NALF1: variants seen among roughly 807,000 people sequenced by gnomAD.
NALF1 encodes the protein family with sequence similarity 155 member A.
In NALF1, 3 loss-of-function variants were observed where a neutral mutation model predicts 48.4. The ratio of observed to expected loss-of-function variants is 0.06; its 90% CI spans 0.03 to 0.16. The LOEUF (loss-of-function observed/expected upper bound fraction) is 0.16. NALF1 is among the 10% of genes least tolerant of loss of function. The pLI is 1.00. For synonymous variants in NALF1, 262 were observed against 245.7 expected (o/e 1.07, Z -0.62); for missense variants, 526 against 571.5 (o/e 0.92, Z 0.81).
At chr13:107,461,383 C>G (rs1884916379) in intron 1 of NALF1, among the ~76,000 whole-genome samples, 1 of 152,134 alleles carries the variant, frequency 6.6e-6, no homozygotes, top group South Asian at 2.1e-4. Flanking sequence ...ATATTCACAT[C>G]TAATGTCATT....
At position 107,362,277 on chromosome 13, in the gene NALF1, G is replaced by T. The variant is rs1377754771; in HGVS notation, c.916-151522C>A. On this transcript the variant is annotated intron_variant, in intron 1 of 2. Transcript: ENST00000375915. The surrounding 1 kb of genome is among the most constrained non-coding windows in gnomAD (Gnocchi z 4.6). Reference sequence around the variant, plus strand: ...GGAATAGTTGTATTCATTTTCTAGGGCGTGCTGTAACAAACTATGATCAAC... The same window carrying T: ...GGAATAGTTGTATTCATTTTCTAGGTCGTGCTGTAACAAACTATGATCAAC... Among the ~76,000 whole-genome samples, 2 of 152,190 alleles carry T rather than the reference G, an allele frequency of 1.3e-5. No individual in the cohort carries two copies. Among genetic ancestry groups the T allele is most frequent in the Middle Eastern group, 3.4e-3 (1 of 294 alleles).
intron 1 of NALF1, among the ~76,000 whole-genome samples, chr13:107,655,359 C>T (rs1388354356): frequency 6.6e-6 from 1 of 152,080 alleles, no homozygotes; most frequent in Non-Finnish European, 1.5e-5. Context: ...TAATCACCAA[C>T]AGTGACCAAA....
intron 1 of NALF1, among the ~76,000 whole-genome samples, chr13:107,669,773 T>G (rs1021205157): frequency 6.6e-6 from 1 of 152,200 alleles, no homozygotes; most frequent in African/African-American, 2.4e-5. Context: ...AAAAGCTAAG[T>G]GCGAGGGCTT....
intron 1 of NALF1, among the ~76,000 whole-genome samples, chr13:107,555,817 T>A (rs1246350355): frequency 6.6e-6 from 1 of 152,058 alleles, no homozygotes; most frequent in Non-Finnish European, 1.5e-5. Context: ...ATATGCTTAT[T>A]GGAAAATTTT....
At chr13:107,393,342 A>G (rs1194783031) in intron 1 of NALF1, among the ~76,000 whole-genome samples, 1 of 152,150 alleles carries the variant, frequency 6.6e-6, no homozygotes, top group African/African-American at 2.4e-5. Context: ...ACTTCTCACT[A>G]TTCTAGGTCA....
intron 1 of NALF1, among the ~76,000 whole-genome samples, chr13:107,720,510 CAAAAAAAAA>C (rs56380251): frequency 8.4e-5 from 5 of 59,856 alleles, no homozygotes; most frequent in African/African-American, 1.6e-4. Flanking sequence ...GACTGCATCT[CAAAAAAAAA>C]AAAAAAAAAA....
intron 1 of NALF1, among the ~76,000 whole-genome samples, chr13:107,399,856 A>G (rs1388461129): frequency 6.6e-6 from 1 of 152,172 alleles, no homozygotes; most frequent in Non-Finnish European, 1.5e-5. Context: ...AACGAGGTAC[A>G]CATAATTATA....
At chr13:107,778,609 G>GT (rs1412317045) in intron 1 of NALF1, among the ~76,000 whole-genome samples, 2 of 149,310 alleles carry the variant, frequency 1.3e-5, no homozygotes. Context: ...TTTTTTGTTT[G>GT]TTTGTTTTTG....
chr13:107,334,204 A>G (rs887277093), intron 1 of NALF1, among the ~76,000 whole-genome samples: 2 of 152,198 alleles, frequency 1.3e-5, no homozygotes, highest in African/African-American at 4.8e-5. Context: ...TAATAGTCTA[A>G]AGATTTGCAT....
At chr13:107,679,006 T>G (rs955458441) in intron 1 of NALF1, among the ~76,000 whole-genome samples, 6 of 152,182 alleles carry the variant, frequency 3.9e-5, no homozygotes, top group African/African-American at 1.4e-4. Context: ...TGAGACGTAT[T>G]TGTTCCTCTT....
At chr13:107,273,941 T>C (rs1425130529) in intron 1 of NALF1, among the ~76,000 whole-genome samples, 1 of 152,166 alleles carries the variant, frequency 6.6e-6, no homozygotes, top group Non-Finnish European at 1.5e-5. Flanking sequence ...GGAATCGTCA[T>C]GCTCATGAGC....
At chr13:107,271,498 C>G (rs75312685) in intron 1 of NALF1, among the ~76,000 whole-genome samples, 9,198 of 151,948 alleles carry the variant, frequency 0.061, 456 homozygotes, top group African/African-American at 0.14. Flanking sequence ...GCTCCAATAG[C>G]CTGAATGAGG....
intron 1 of NALF1, among the ~76,000 whole-genome samples, chr13:107,355,362 A>G (rs1032929903): frequency 7.2e-5 from 11 of 152,186 alleles, no homozygotes; most frequent in Admixed American, 3.3e-4. Flanking sequence ...TTGGTCTCTA[A>G]CTCTAGTTTG....
At chr13:107,333,439 A>G (rs936478130) in intron 1 of NALF1, among the ~76,000 whole-genome samples, 2 of 152,170 alleles carry the variant, frequency 1.3e-5, no homozygotes, top group Non-Finnish European at 2.9e-5. Flanking sequence ...ACAATATGAG[A>G]GCTGGCCCCA....
chr13:107,866,331 C>CGCT lies in NALF1; in HGVS notation c.263_265dup (p.Gln88dup). On this transcript the variant is annotated inframe_insertion, in exon 1 of 3. Coordinates refer to ENST00000375915, the MANE Select transcript of NALF1 (RefSeq NM_001080396.3). The surrounding 1 kb of genome is among the most constrained non-coding windows in gnomAD (Gnocchi z 4.4). Reference sequence around the variant, plus strand: ...CCGCCGCTGCTGCTGCTGCTGCTGCCGCTGCCTCTGCTGCTGCTGCTGCTG... The same window carrying CGCT: ...CCGCCGCTGCTGCTGCTGCTGCTGCCGCTGCTGCCTCTGCTGCTGCTGCTGCTG... 1.2e-6 allele frequency: 2 copies of CGCT among 1,608,944 alleles called. No homozygotes were observed. Among genetic ancestry groups the CGCT allele is most frequent in the Non-Finnish European group, 1.7e-6 (2 of 1,178,678 alleles).
At chr13:107,646,018 T>C (rs1323920162) in intron 1 of NALF1, among the ~76,000 whole-genome samples, 1 of 152,102 alleles carries the variant, frequency 6.6e-6, no homozygotes, top group Non-Finnish European at 1.5e-5. Context: ...CAAATCACAC[T>C]ATGGGGAAAA....
chr13:107,824,628 G>A (rs1177999094), intron 1 of NALF1, among the ~76,000 whole-genome samples: 1 of 152,220 alleles, frequency 6.6e-6, no homozygotes, highest in East Asian at 1.9e-4. Flanking sequence ...AACTGATTCA[G>A]ACAGAAAATC....
At chr13:107,646,075 G>A (rs1397901856) in intron 1 of NALF1, among the ~76,000 whole-genome samples, 3 of 152,020 alleles carry the variant, frequency 2.0e-5, no homozygotes, top group African/African-American at 7.2e-5. Flanking sequence ...CCCTGCTCTT[G>A]GTAACAGCCC....
chr13:107,760,033 T>A (rs374801231), intron 1 of NALF1, among the ~76,000 whole-genome samples: 2 of 152,198 alleles, frequency 1.3e-5, no homozygotes, highest in South Asian at 4.1e-4. Flanking sequence ...TAGTTTTCAT[T>A]CCAATATACA....
Sources: allele counts gnomAD v4.1 joint callset (sites outside exome capture counted in the v4.1 genomes callset), GRCh38; gene constraint gnomAD v4.1.1; non-coding constraint Gnocchi (gnomAD v3.1); transcripts MANE v1.5; gene names NCBI Gene and HGNC (gene_info 2026-07-23, HGNC 2026-07-21).